Variants in CCDC146 observed in about 807,000 individuals in gnomAD.
CCDC146 encodes the protein coiled-coil domain containing 146.
CCDC146 carries 92 observed loss-of-function variants against 119.3 expected under a neutral mutation model. The ratio of observed to expected loss-of-function variants is 0.77; its 90% CI spans 0.65 to 0.92. CCDC146 has a LOEUF of 0.92. CCDC146 is among the 40% of genes least tolerant of loss of function. The probability of loss-of-function intolerance (pLI) is 0.00; values close to 1 mark genes in which losing one functional copy is unlikely to be tolerated. For synonymous variants in CCDC146, 372 were observed against 371.8 expected, an observed-to-expected ratio of 1.00 and a Z score of -0.01; for missense variants, 1,000 against 1,103.0, an observed-to-expected ratio of 0.91 and a Z score of 1.32.
At chr7:77,219,364 T>C (rs1792360285) in intron 2 of CCDC146, among the ~76,000 whole-genome samples, 1 of 152,184 alleles carries the variant, frequency 6.6e-6, no homozygotes, top group Non-Finnish European at 1.5e-5. Context: ...ATCTGCTTTT[T>C]AAAAAACCAA....
chr7:77,177,139 A>T (rs991957389), intron 2 of CCDC146, among the ~76,000 whole-genome samples: 2 of 152,130 alleles, frequency 1.3e-5, no homozygotes, highest in Non-Finnish European at 2.9e-5. Flanking sequence ...CCTGGCCTAA[A>T]ATTAAAGTTT....
chr7:77,183,288 G>GT (rs1791616900), intron 2 of CCDC146, among the ~76,000 whole-genome samples: 1 of 151,938 alleles, frequency 6.6e-6, no homozygotes, highest in Non-Finnish European at 1.5e-5. Flanking sequence ...AGTCTGCAGA[G>GT]TTTTTTCCAC....
chr7:77,134,730 A>G (rs2539142), intron 1 of CCDC146, among the ~76,000 whole-genome samples: 92,199 of 151,562 alleles, frequency 0.61, 28,432 homozygotes, highest in African/African-American at 0.67. Context: ...AGTGAGTGTG[A>G]GTTGGGGGTG....
intron 2 of CCDC146, among the ~76,000 whole-genome samples, chr7:77,187,087 T>C (rs1257002717): frequency 6.6e-6 from 1 of 152,220 alleles, no homozygotes; most frequent in Non-Finnish European, 1.5e-5. Context: ...CCATATTTAG[T>C]TTGCTTTAAC....
intron 2 of CCDC146, among the ~76,000 whole-genome samples, chr7:77,222,620 A>G (rs1239663690): frequency 1.3e-5 from 2 of 152,242 alleles, no homozygotes; most frequent in East Asian, 3.8e-4. Flanking sequence ...CACATTTACA[A>G]TGACAATCCC....
chr7:77,229,498 G>A (rs1792578667), intron 2 of CCDC146, among the ~76,000 whole-genome samples: 2 of 152,088 alleles, frequency 1.3e-5, no homozygotes, highest in East Asian at 1.9e-4. Context: ...TTTTATGTAC[G>A]GTGTAAGGAA....
chr7:77,171,144 A>C (rs1298021455), intron 2 of CCDC146, among the ~76,000 whole-genome samples: 1 of 152,216 alleles, frequency 6.6e-6, no homozygotes, highest in Non-Finnish European at 1.5e-5. Context: ...TATAGTAGCT[A>C]CCAAAGACGT....
At chr7:77,138,243 G>A (rs1790884636) in intron 1 of CCDC146, among the ~76,000 whole-genome samples, 1 of 150,802 alleles carries the variant, frequency 6.6e-6, no homozygotes, top group African/African-American at 2.4e-5. Context: ...CAATACAATG[G>A]AGTAAAAGAC....
chr7:77,253,465 G>C (rs1050600228), intron 4 of CCDC146, among the ~76,000 whole-genome samples: 3 of 152,192 alleles, frequency 2.0e-5, no homozygotes, highest in Non-Finnish European at 2.9e-5. Context: ...GGTGCAATAG[G>C]TCATTCTGAG....
intron 2 of CCDC146, among the ~76,000 whole-genome samples, chr7:77,217,506 C>T (rs1443676308): frequency 6.6e-6 from 1 of 151,626 alleles, no homozygotes; most frequent in Non-Finnish European, 1.5e-5. Context: ...TCAACTACAA[C>T]TTCAAAATAT....
chr7:77,142,443 T>C (rs1327441691), intron 1 of CCDC146, among the ~76,000 whole-genome samples: 1 of 151,274 alleles, frequency 6.6e-6, no homozygotes, highest in Non-Finnish European at 1.5e-5. Context: ...CATGTGTACA[T>C]GTATACATGT....
intron 4 of CCDC146, among the ~76,000 whole-genome samples, chr7:77,245,049 A>C (rs2150493625): frequency 6.6e-6 from 1 of 152,320 alleles, no homozygotes; most frequent in African/African-American, 2.4e-5. Context: ...TAGAGAAAGG[A>C]TTTTACTGTG....
Position 77,283,693 on chromosome 7 carries a change from TA to T in CCDC146, c.2148+911del, listed in dbSNP as rs199588138. 2.6e-3 allele frequency among the ~76,000 whole-genome samples: 394 copies of T among 152,322 alleles called. 2 individuals carry two copies. Among genetic ancestry groups the T allele is most frequent in the Middle Eastern group, 0.02 (6 of 294 alleles). ...GTCATTTATTTTCTAGGTATACAAG[TA>T]AATGTTTTTCATTAGCTCATGCCCT... is the stretch of plus-strand genomic sequence containing the variant. On this transcript the variant is annotated intron_variant, in intron 15 of 18. Coordinates refer to ENST00000285871, the MANE Select transcript of CCDC146 (RefSeq NM_020879.3).
At chr7:77,192,395 C>T (rs1407949108) in intron 2 of CCDC146, among the ~76,000 whole-genome samples, 2 of 152,138 alleles carry the variant, frequency 1.3e-5, no homozygotes, top group African/African-American at 4.8e-5. Context: ...AAATTCAAAC[C>T]AGGAAGGCCA....
At chr7:77,169,531 C>T (rs1167829868) in intron 2 of CCDC146, among the ~76,000 whole-genome samples, 3 of 152,242 alleles carry the variant, frequency 2.0e-5, no homozygotes, top group Non-Finnish European at 4.4e-5. Context: ...CTAATTCCAT[C>T]ATTTCTTCTA....
chr7:77,275,288 C>A (rs567718632), intron 11 of CCDC146, among the ~76,000 whole-genome samples: 6 of 152,194 alleles, frequency 3.9e-5, no homozygotes, highest in African/African-American at 1.2e-4. Context: ...TTTGTATTCT[C>A]AAAGGGTCCT....
At chr7:77,239,362 A>C (rs188238502) in intron 3 of CCDC146, among the ~76,000 whole-genome samples, 27 of 152,354 alleles carry the variant, frequency 1.8e-4, no homozygotes, top group African/African-American at 6.3e-4. Flanking sequence ...AATGAAAATT[A>C]TTTGAGGTAT....
intron 17 of CCDC146, among the ~76,000 whole-genome samples, chr7:77,291,397 A>G (rs1419014089): frequency 1.4e-5 from 2 of 147,022 alleles, no homozygotes; most frequent in Non-Finnish European, 3.0e-5. Flanking sequence ...TAAATAGCTG[A>G]TATTAATAGG....
intron 2 of CCDC146, among the ~76,000 whole-genome samples, chr7:77,218,460 C>T (rs892763514): frequency 3.3e-5 from 5 of 151,890 alleles, no homozygotes; most frequent in African/African-American, 1.2e-4. Flanking sequence ...GCAGACTGTG[C>T]CCCTTTTTAA....
Sources: allele counts gnomAD v4.1 joint callset (sites outside exome capture counted in the v4.1 genomes callset), GRCh38; gene constraint gnomAD v4.1.1; transcripts MANE v1.5; gene names NCBI Gene and HGNC (gene_info 2026-07-23, HGNC 2026-07-21).